CC2D2B: variants seen among roughly 807,000 people sequenced by gnomAD.
The protein encoded by CC2D2B is protein CC2D2B.
In CC2D2B, 128 loss-of-function variants were observed where a neutral mutation model predicts 161.2. That is an observed-to-expected ratio of 0.79 (90% CI 0.69 to 0.92). The LOEUF is 0.92. CC2D2B is among the 40% of genes least tolerant of loss of function. CC2D2B has a pLI of 0.00. For synonymous variants in CC2D2B, 391 were observed against 449.8 expected (o/e 0.87, Z 1.65); for missense variants, 1,173 against 1,375.1 (o/e 0.85, Z 2.32).
intron 22 of CC2D2B, among the ~76,000 whole-genome samples, chr10:95,993,317 T>C (rs2078027100): frequency 6.6e-6 from 1 of 152,170 alleles, no homozygotes; most frequent in Admixed American, 6.5e-5. Flanking sequence ...ATTTAGTGTA[T>C]CCTGGATATT....
chr10:95,962,754 G>A (rs936553494), intron 12 of CC2D2B, among the ~76,000 whole-genome samples: 2 of 145,868 alleles, frequency 1.4e-5, no homozygotes, highest in African/African-American at 5.0e-5. Context: ...TTTTTTTCTT[G>A]CTGCAGTAGT....
intron 18 of CC2D2B, among the ~76,000 whole-genome samples, 198 bp from the exon 19 acceptor site, chr10:95,983,408 G>T (rs1564639144): frequency 1.3e-5 from 2 of 151,772 alleles, no homozygotes; most frequent in Non-Finnish European, 2.9e-5. Context: ...TGTAAGTCAT[G>T]ACTGGGAAAA....
intron 6 of CC2D2B, among the ~76,000 whole-genome samples, chr10:95,936,295 C>T (rs936079569): frequency 6.6e-6 from 1 of 152,138 alleles, no homozygotes; most frequent in Admixed American, 6.5e-5. Flanking sequence ...GACTACTGTC[C>T]CCATCACAGA....
chr10:95,954,344 G>T (rs1393234464), intron 10 of CC2D2B, among the ~76,000 whole-genome samples: 1 of 152,060 alleles, frequency 6.6e-6, no homozygotes, highest in Admixed American at 6.6e-5. Flanking sequence ...CAAAAGAGCA[G>T]CCTAATATCC....
At chr10:96,020,147 A>G in intron 32 of CC2D2B, 1 of 191,040 alleles carries the variant, frequency 5.2e-6, no homozygotes, top group East Asian at 1.6e-4. Flanking sequence ...CTCCTGCGCC[A>G]TATCTATGGT....
chr10:95,956,909 T>TA (rs924057133), intron 11 of CC2D2B, among the ~76,000 whole-genome samples: 38 of 152,318 alleles, frequency 2.5e-4, no homozygotes, highest in African/African-American at 6.5e-4. Context: ...ATTGGCTTTT[T>TA]AAAAAATGTT....
chr10:95,988,004 C>G (rs892219668), intron 19 of CC2D2B, among the ~76,000 whole-genome samples: 3 of 152,216 alleles, frequency 2.0e-5, no homozygotes, highest in African/African-American at 7.2e-5. Context: ...AAATCTTGTT[C>G]TTAATCATTA....
chr10:96,017,825 A>G (rs1436458277), intron 30 of CC2D2B, among the ~76,000 whole-genome samples: 1 of 152,148 alleles, frequency 6.6e-6, no homozygotes, highest in East Asian at 1.9e-4. Context: ...CTGTGGTCCC[A>G]CATACTTAGA....
intron 6 of CC2D2B, among the ~76,000 whole-genome samples, chr10:95,932,095 T>C (rs545176115): frequency 7.2e-5 from 11 of 152,364 alleles, no homozygotes; most frequent in Admixed American, 1.3e-4. Context: ...TTAGGATAGT[T>C]AGCTCTTCTT....
rs547089515 is a variant in CC2D2B at position 95,994,971 on chromosome 10, A to G, written c.2643-298A>G. Reference sequence around the variant, plus strand: ...TCCTCCACCCACAATATATATTTTAATTGACATCCATCGTGAATAACTTGC... The same window carrying G: ...TCCTCCACCCACAATATATATTTTAGTTGACATCCATCGTGAATAACTTGC... On this transcript the variant is annotated intron_variant, in intron 22 of 34. Coordinates refer to ENST00000646931, the MANE Select transcript of CC2D2B (RefSeq NM_001349008.3). Among the ~76,000 whole-genome samples the G allele has an allele frequency of 2.3e-4, 35 of 152,260 alleles. No homozygotes were observed. The South Asian group carries it at 5.8e-3, about 25-fold the overall frequency.
intron 3 of CC2D2B, among the ~76,000 whole-genome samples, chr10:95,922,316 G>A (rs906697810): frequency 3.3e-5 from 5 of 152,114 alleles, no homozygotes; most frequent in African/African-American, 9.7e-5. Context: ...TTCCACTGGC[G>A]GTGAGACTGT....
intron 30 of CC2D2B, 141 bp from the exon 31 acceptor site, chr10:96,019,062 C>A: frequency 1.6e-6 from 1 of 625,408 alleles, no homozygotes. Flanking sequence ...CCACCTCAGC[C>A]TCCCAAAGAG....
intron 6 of CC2D2B, 70 bp downstream of exon 6, chr10:95,927,402 A>T: frequency 1.2e-6 from 1 of 817,814 alleles, no homozygotes; most frequent in Non-Finnish European, 2.0e-6. Context: ...AAAAGTGCAG[A>T]ATGAAATACT....
intron 17 of CC2D2B, among the ~76,000 whole-genome samples, chr10:95,979,762 T>C (rs889835795): frequency 2.0e-5 from 3 of 152,238 alleles, no homozygotes; most frequent in Non-Finnish European, 4.4e-5. Flanking sequence ...AATTAAAACA[T>C]GCAATGCAAT....
At chr10:96,016,066 A>C in intron 29 of CC2D2B, 135 bp from the exon 30 acceptor site, 1 of 644,668 alleles carries the variant, frequency 1.6e-6, no homozygotes. Context: ...TCTGCTGTCA[A>C]CTTAGCAACT....
chr10:95,916,024 G>A lies in CC2D2B; in HGVS notation c.36+4665G>A, dbSNP rs373016188. Among the ~76,000 whole-genome samples, 62 of 152,170 alleles carry A rather than the reference G, an allele frequency of 4.1e-4. No individual in the cohort carries two copies. The Middle Eastern group carries it at 0.02, about 50-fold the overall frequency. ...CCAAAATTTAGCAGTGAAGCCATCA[G>A]GTCCCAGGCTTTTCTTTGCTTGGAG... is the stretch of plus-strand genomic sequence containing the variant. On this transcript the variant is annotated intron_variant, in intron 2 of 34. Transcript: ENST00000646931.
chr10:95,966,074 T>A, intron 13 of CC2D2B, 76 bp downstream of exon 13: 1 of 746,482 alleles, frequency 1.3e-6, no homozygotes, highest in Non-Finnish European at 1.8e-6. Context: ...GAAATCTTGG[T>A]ATTTCTAAAA....
chr10:95,935,258 T>C (rs2075776254), intron 6 of CC2D2B, among the ~76,000 whole-genome samples: 2 of 152,120 alleles, frequency 1.3e-5, no homozygotes, highest in South Asian at 4.1e-4. Flanking sequence ...CATCCTCAGA[T>C]TTCCTTTTAC....
rs2141267072 is a variant in CC2D2B, at chr10:95,938,112, A to C, written c.458A>C (p.Lys153Thr). Residue 153 changes from lysine (K) to threonine (T), a missense_variant, in exon 7 of 35, where the codon AAA (lysine) becomes ACA (threonine). Coordinates refer to ENST00000646931, the MANE Select transcript of CC2D2B (RefSeq NM_001349008.3). ...EFILTDILKVKAADYEDDQEQ... is the reference protein window; with the variant it reads ...EFILTDILKVTAADYEDDQEQ... ...ATTTTGACAGATATACTCAAAGTAA[A>C]AGCTGCTGACTATGAAGATGATCAA... 6.5e-7 allele frequency: 1 copy of C among 1,550,066 alleles called. No homozygotes were observed. Among genetic ancestry groups the C allele is most frequent in the African/African-American group, 1.4e-5 (1 of 73,136 alleles).
Sources: gnomAD v4.1 joint callset for allele counts (sites outside exome capture counted in the v4.1 genomes callset) on GRCh38, gnomAD v4.1.1 for gene constraint, MANE v1.5 for transcripts, NCBI Gene and HGNC (gene_info 2026-07-23, HGNC 2026-07-21) for gene names.